The following SLC13A2 variants were observed in gnomAD, a reference collection of about 807,000 sequenced individuals.
SLC13A2 encodes solute carrier family 13 member 2, also known as Na(+)-coupled citrate transporter.
In SLC13A2, 40 loss-of-function variants were observed where a neutral mutation model predicts 58.5. The ratio of observed to expected loss-of-function variants is 0.68; its 90% CI spans 0.53 to 0.89. The LOEUF (loss-of-function observed/expected upper bound fraction) is 0.89. SLC13A2 is among the 40% of genes least tolerant of loss of function. The probability of loss-of-function intolerance (pLI) is 0.00; values close to 1 mark genes in which losing one functional copy is unlikely to be tolerated. For synonymous variants in SLC13A2, 341 were observed against 331.6 expected, an observed-to-expected ratio of 1.03 and a Z score of -0.31; for missense variants, 694 against 772.6, an observed-to-expected ratio of 0.90 and a Z score of 1.21.
intron 1 of SLC13A2, among the ~76,000 whole-genome samples, chr17:28,478,173 A>G (rs2068725349): frequency 6.6e-6 from 1 of 152,200 alleles, no homozygotes; most frequent in African/African-American, 2.4e-5. Flanking sequence ...AGTCCCAGCT[A>G]GGAAAAAAGT....
chr17:28,497,127 T>C lies in SLC13A2; in HGVS notation c.1637T>C (p.Ile546Thr), dbSNP rs781886513. The C allele has an allele frequency of 1.7e-5, 28 of 1,613,996 alleles. No individual in the cohort carries two copies. The East Asian group carries it at 2.0e-4, about 12-fold the overall frequency. Reference sequence around the variant, plus strand: ...CGGGCAGGATTCCTCCTCAACATCATTGGAGTCCTGATCATCGCACTGGCC... The same window carrying C: ...CGGGCAGGATTCCTCCTCAACATCACTGGAGTCCTGATCATCGCACTGGCC... ...MARAGFLLNI[I>T]GVLIIALAIN... The change falls in exon 12 of 12, where the codon ATT becomes ACT. Residue 546 changes from isoleucine (I) to threonine (T), a missense_variant. Ile to Thr is a moderately conservative substitution (Grantham distance 89, BLOSUM62 -1). Coordinates refer to ENST00000314669, the MANE Select transcript of SLC13A2 (RefSeq NM_003984.4).
At position 28,477,816 on chromosome 17, in the gene SLC13A2, G is replaced by A. The variant is rs192160087; in HGVS notation, c.102+4002G>A. On this transcript the variant is annotated intron_variant, in intron 1 of 11. Coordinates refer to ENST00000314669, the MANE Select transcript of SLC13A2 (RefSeq NM_003984.4). Reference sequence around the variant, plus strand: ...CTGTAATCCCAGCACTTTGGGAGGCGGGCGCCCAAGGTGGGCAGATCACCT... The same window carrying A: ...CTGTAATCCCAGCACTTTGGGAGGCAGGCGCCCAAGGTGGGCAGATCACCT... Among the ~76,000 whole-genome samples the A allele has an allele frequency of 4.0e-5, 6 of 151,812 alleles. No homozygotes were observed. In the South Asian group the frequency reaches 1.2e-3, roughly 32 times the overall value.
chr17:28,482,987 C>A (rs1349285177), intron 1 of SLC13A2, among the ~76,000 whole-genome samples: 3 of 152,230 alleles, frequency 2.0e-5, no homozygotes, highest in African/African-American at 7.2e-5. Flanking sequence ...AGCATGTCCA[C>A]TTGCTAGGGG....
intron 1 of SLC13A2, among the ~76,000 whole-genome samples, chr17:28,483,170 T>C (rs1257473226): frequency 6.6e-6 from 1 of 152,116 alleles, no homozygotes; most frequent in Non-Finnish European, 1.5e-5. Context: ...TGCCCACAGG[T>C]CCCACACCTG....
chr17:28,487,645 C>G (rs2151454256), intron 1 of SLC13A2: 1 of 914,528 alleles, frequency 1.1e-6, no homozygotes, highest in African/African-American at 1.8e-5. Context: ...CTGGCCCACC[C>G]TTAGTCCAAG....
rs1279803252 is a variant in SLC13A2, at chr17:28,490,893, G to T, written c.561G>T (p.Glu187Asp). 5.6e-6 allele frequency: 9 copies of T among 1,613,526 alleles called. No individual in the cohort carries two copies. Among genetic ancestry groups the T allele is most frequent in the Non-Finnish European group, 7.6e-6 (9 of 1,179,826 alleles). ...FELQEPSPQK[E>D]VTKLDNGQAL... ...TCCAGGAACCAAGTCCCCAGAAGGA[G>T]GTGACCAAGCTTGGTGAGAAAAATG... is the stretch of plus-strand genomic sequence containing the variant. Residue 187 changes from glutamate (E) to aspartate (D), a missense_variant, in exon 4 of 12, where the codon GAG (glutamate) becomes GAT (aspartate). Glu to Asp is a conservative substitution (Grantham distance 45). Transcript: ENST00000314669.
intron 1 of SLC13A2, among the ~76,000 whole-genome samples, chr17:28,474,791 G>A (rs2068643420): frequency 6.6e-6 from 1 of 152,138 alleles, no homozygotes. Flanking sequence ...TCAGAGCTGG[G>A]GGTGTGATCT....
rs782288401 is a variant in SLC13A2 at position 28,491,564 on chromosome 17, C to T, written c.702C>T (p.Ile234=). ...CVCYSASIGG[I]ATLTGTAPNL... is the part of the protein sequence containing the mutation. ...GCTACTCCGCCAGCATCGGGGGCAT[C>T]GCCACGCTGACTGGCACCGCACCCA... is the stretch of plus-strand genomic sequence containing the variant. The change falls in exon 5 of 12, where the codon ATC becomes ATT. Residue 234 remains isoleucine (I), a synonymous_variant. Coordinates refer to ENST00000314669, the MANE Select transcript of SLC13A2 (RefSeq NM_003984.4). 5.0e-6 allele frequency: 8 copies of T among 1,613,530 alleles called. No individual in the cohort carries two copies. The highest frequency in any genetic ancestry group is 4.5e-5 in the East Asian group (2 of 44,896).
intron 4 of SLC13A2, among the ~76,000 whole-genome samples, 186 bp from the exon 5 acceptor site, chr17:28,491,251 G>C (rs1355243108): frequency 1.3e-5 from 2 of 152,082 alleles, no homozygotes; most frequent in East Asian, 3.9e-4. Flanking sequence ...AGTGTCCAAG[G>C]GTGCTCCCAG....
At chr17:28,479,052 C>T (rs964981576) in intron 1 of SLC13A2, among the ~76,000 whole-genome samples, 1 of 151,868 alleles carries the variant, frequency 6.6e-6, no homozygotes, top group Non-Finnish European at 1.5e-5. Flanking sequence ...ACCCTGTCTC[C>T]TCACTAAAAA....
intron 1 of SLC13A2, among the ~76,000 whole-genome samples, chr17:28,479,480 A>G (rs1389433342): frequency 6.6e-6 from 1 of 152,144 alleles, no homozygotes; most frequent in African/African-American, 2.4e-5. Context: ...TGCTGTGAGC[A>G]TTAAGGGGTG....
At chr17:28,477,377 G>C (rs549471195) in intron 1 of SLC13A2, among the ~76,000 whole-genome samples, 1 of 151,548 alleles carries the variant, frequency 6.6e-6, no homozygotes. Context: ...TGTATTTTTA[G>C]TAGAGACGGG....
chr17:28,489,389 CA>C (rs2068956595), intron 2 of SLC13A2, 47 bp downstream of exon 2: 2 of 1,568,276 alleles, frequency 1.3e-6, no homozygotes, highest in African/African-American at 1.4e-5. Context: ...TGCGGGAGGC[CA>C]GGGGGTGGGT....
In SLC13A2 at chr17:28,494,770, G is replaced by A. The variant is rs1293705564; in HGVS notation, c.1308+258G>A. 6.6e-6 allele frequency among the ~76,000 whole-genome samples: 1 copy of A among 152,112 alleles called. No homozygotes were observed. The highest frequency in any genetic ancestry group is 1.5e-5 in the Non-Finnish European group (1 of 68,012). The stretch of plus-strand genomic sequence containing the variant: ...CAGGATTCTCTGGTGGGCAGAGCCT[G>A]TTCTCAGAGACAAATGCCATCCCAC... On this transcript the variant is annotated intron_variant, in intron 9 of 11. Coordinates refer to ENST00000314669, the MANE Select transcript of SLC13A2 (RefSeq NM_003984.4). This position sits in a 1 kb window ranked among gnomAD's most constrained non-coding sequence, Gnocchi z 4.0.
intron 2 of SLC13A2, 75 bp downstream of exon 2, chr17:28,489,417 G>T: frequency 6.6e-7 from 1 of 1,509,346 alleles, no homozygotes. Flanking sequence ...AGCCCTTGTT[G>T]ACAAAGGAAG....
chr17:28,496,378 G>C lies in SLC13A2; in HGVS notation c.1471-72G>C. The stretch of plus-strand genomic sequence containing the variant: ...GGGGTTGTTCCCCAGAGAAGCAGGA[G>C]AATTGGGGGCCATGCCCCTCCCTCT... On this transcript the variant is annotated intron_variant, in intron 10 of 11. Coordinates refer to ENST00000314669, the MANE Select transcript of SLC13A2 (RefSeq NM_003984.4). This position sits in a 1 kb window ranked among gnomAD's most constrained non-coding sequence, Gnocchi z 4.2. 6.6e-7 allele frequency: 1 copy of C among 1,520,162 alleles called. No homozygotes were observed. Among genetic ancestry groups the C allele is most frequent in the East Asian group, 2.3e-5 (1 of 43,054 alleles). The allele number at this position is 1,520,162 out of a possible 1,614,324, so 94.2% of individuals were successfully genotyped here.
At position 28,477,407 on chromosome 17, in the gene SLC13A2, G is replaced by C. The variant is rs565316972; in HGVS notation, c.102+3593G>C. 8.6e-5 allele frequency among the ~76,000 whole-genome samples: 13 copies of C among 151,788 alleles called. No homozygotes were observed. In the East Asian group the frequency reaches 1.4e-3, roughly 17 times the overall value. On this transcript the variant is annotated intron_variant, in intron 1 of 11. Transcript: ENST00000314669. ...GACGGGGTTTCACCGTGTTAGCCAG[G>C]ATGGTCTTGATCTCCTGACCTCGTG...
Position 28,491,745 on chromosome 17 carries a change from C to A in SLC13A2, c.771C>A (p.Asn257Lys). The A allele has an allele frequency of 6.2e-7, 1 of 1,614,150 alleles. No individual in the cohort carries two copies. The highest frequency in any genetic ancestry group is 8.5e-7 in the Non-Finnish European group (1 of 1,180,010). Residue 257 changes from asparagine (N) to lysine (K), a missense_variant, in exon 6 of 12, where the codon AAC (asparagine) becomes AAA (lysine). Asn to Lys is a moderately conservative substitution (Grantham distance 94). Coordinates refer to ENST00000314669, the MANE Select transcript of SLC13A2 (RefSeq NM_003984.4). Reference sequence around the variant, plus strand: ...CCTCCTTCAGGCTCTTCCCCCAAAACGGCAACGTGGTGAACTTCGCCTCCT... The same window carrying A: ...CCTCCTTCAGGCTCTTCCCCCAAAAAGGCAACGTGGTGAACTTCGCCTCCT... ...QGQINSLFPQ[N>K]GNVVNFASWF... is the part of the protein sequence containing the mutation.
intron 1 of SLC13A2, among the ~76,000 whole-genome samples, chr17:28,477,077 T>A (rs1272309215): frequency 2.0e-5 from 3 of 151,760 alleles, no homozygotes; most frequent in Non-Finnish European, 4.4e-5. Flanking sequence ...GGAGAAACGC[T>A]TGAACCCAGG....
Sources: gnomAD v4.1 joint callset for allele counts (sites outside exome capture counted in the v4.1 genomes callset) on GRCh38, gnomAD v4.1.1 for gene constraint, Gnocchi (gnomAD v3.1) non-coding constraint, MANE v1.5 for transcripts, NCBI Gene and HGNC (gene_info 2026-07-23, HGNC 2026-07-21) for gene names.